Variants in TREML4 observed in about 807,000 individuals in gnomAD.
The protein encoded by TREML4 is trem-like transcript 4 protein.
A neutral mutation model predicts 25.4 loss-of-function variants in TREML4; 25 were observed. That is an observed-to-expected ratio of 0.98 (90% CI 0.72 to 1.37). The LOEUF (loss-of-function observed/expected upper bound fraction) is 1.37, where lower values mean the gene tolerates loss of function less well. TREML4 is among the 40% of genes most tolerant of loss of function. The pLI, the probability that TREML4 is intolerant of heterozygous loss-of-function variation, is 0.00. For synonymous variants in TREML4, 92 were observed against 87.9 expected (o/e 1.05, Z -0.26); for missense variants, 268 against 236.5 (o/e 1.13, Z -0.87).
chr6:41,228,529 G>A, intron 1 of TREML4, 39 bp downstream of exon 1: 1 of 1,597,350 alleles, frequency 6.3e-7, no homozygotes, highest in Non-Finnish European at 8.5e-7. Context: ...TGTAAGGAGT[G>A]GGATGAAGAA....
chr6:41,232,874 T>C (rs2627568), intron 4 of TREML4, among the ~76,000 whole-genome samples: 142,152 of 152,104 alleles, frequency 0.93, 66,472 homozygotes, highest in African/African-American at 0.98. Context: ...TAAGAAGCCT[T>C]ACTTGCTCAC....
intron 4 of TREML4, 111 bp from the exon 5 acceptor site, chr6:41,236,375 G>A (rs1163524719): frequency 1.2e-6 from 1 of 825,754 alleles, no homozygotes; most frequent in Non-Finnish European, 2.0e-6. Flanking sequence ...TTCAGGGTGG[G>A]CCCTTACGCA....
intron 4 of TREML4, among the ~76,000 whole-genome samples, chr6:41,231,761 A>C: frequency 6.6e-6 from 1 of 152,250 alleles, no homozygotes; most frequent in Non-Finnish European, 1.5e-5. Context: ...TAAAAATCAA[A>C]GAGAAGTTAG....
chr6:41,234,120 G>A (rs1027952598), intron 4 of TREML4, among the ~76,000 whole-genome samples: 3 of 151,872 alleles, frequency 2.0e-5, no homozygotes, highest in African/African-American at 7.2e-5. Context: ...AAATTCTAAA[G>A]AATCAGTACG....
At position 41,235,368 on chromosome 6, in the gene TREML4, A is replaced by AT. The variant is rs1427320559; in HGVS notation, c.507-1116dup. Among the ~76,000 whole-genome samples the AT allele has an allele frequency of 1.7e-4, 26 of 152,324 alleles. 1 individual carries two copies. Among genetic ancestry groups the AT allele is most frequent in the African/African-American group, 5.5e-4 (23 of 41,584 alleles). On this transcript the variant is annotated intron_variant, in intron 4 of 5. Transcript: ENST00000341495. ...AGGAAAACAGGTTACATGAAAGAAGATTAGACAAGAAGAGGAAAAACTGTC... is the reference window on the plus strand; with the variant it reads ...AGGAAAACAGGTTACATGAAAGAAGATTTAGACAAGAAGAGGAAAAACTGTC...
In TREML4 at chr6:41,238,457, T is replaced by C. The variant is rs895192235; in HGVS notation, c.*1438T>C. 4 of 152,244 alleles carry C rather than the reference T, an allele frequency of 2.6e-5. No individual in the cohort carries two copies. The highest frequency in any genetic ancestry group is 9.6e-5 in the African/African-American group (4 of 41,460). The allele number at this position is 152,244 out of a possible 1,614,324, so 9.4% of individuals were successfully genotyped here. A position where few individuals can be genotyped will look rare whatever the true frequency, so the allele number is the denominator to read the frequency against. ...CACTTCTTTTCAGTGCTTATTCCAT[T>C]GCGTACATATCCCACAGTGCATCAT... On this transcript the variant is annotated 3_prime_UTR_variant, in exon 6 of 6. Coordinates refer to ENST00000341495, the MANE Select transcript of TREML4 (RefSeq NM_198153.3).
rs967492962 is a variant in TREML4 at position 41,238,692 on chromosome 6, A to G, written c.*1673A>G. 1.3e-5 allele frequency: 2 copies of G among 152,146 alleles called. No homozygotes were observed. The highest frequency in any genetic ancestry group is 2.9e-5 in the Non-Finnish European group (2 of 68,028). 9.4% of individuals were successfully genotyped at this position (152,146 alleles called of 1,614,324 possible). A position where few individuals can be genotyped will look rare whatever the true frequency, so the allele number is the denominator to read the frequency against. ...TGCCTGAACCAAGAATCTAGACACT[A>G]GCGATTATGTGTTTTCTCTGAGTCT... On this transcript the variant is annotated 3_prime_UTR_variant, in exon 6 of 6. Transcript: ENST00000341495.
At position 41,237,802 on chromosome 6, in the gene TREML4, C is replaced by A. The variant is rs1582120402; in HGVS notation, c.*783C>A. On this transcript the variant is annotated 3_prime_UTR_variant, in exon 6 of 6. Transcript: ENST00000341495. ...CAGAACATTCATCCGTAAATGGAAT[C>A]TGATAATCTGGGGCCCAAATTCTGT... The A allele has an allele frequency of 6.6e-6, 1 of 152,196 alleles. No individual in the cohort carries two copies. The highest frequency in any genetic ancestry group is 1.9e-4 in the East Asian group (1 of 5,202). The allele number at this position is 152,196 out of a possible 1,614,324, so 9.4% of individuals were successfully genotyped here.
At chr6:41,230,908 T>G (rs1561901769) in intron 4 of TREML4, among the ~76,000 whole-genome samples, 1 of 152,202 alleles carries the variant, frequency 6.6e-6, no homozygotes, top group Non-Finnish European at 1.5e-5. Context: ...CCTCTTTCCA[T>G]AGCTTGCATT....
intron 3 of TREML4, among the ~76,000 whole-genome samples, chr6:41,229,841 C>G (rs111406757): frequency 0.043 from 6,488 of 152,200 alleles, 272 homozygotes; most frequent in African/African-American, 0.11. Context: ...ACACGTGTGT[C>G]CCAGCCCTCC....
At chr6:41,236,948 G>A (rs1561903997) in intron 5 of TREML4, 107 bp from the exon 6 acceptor site, 1 of 177,364 alleles carries the variant, frequency 5.6e-6, no homozygotes, top group Non-Finnish European at 1.2e-5. Context: ...GGGAGAAGGC[G>A]GGGGAGGGGC....
chr6:41,234,937 T>A (rs1421776860), intron 4 of TREML4, among the ~76,000 whole-genome samples: 2 of 151,820 alleles, frequency 1.3e-5, no homozygotes, highest in African/African-American at 4.8e-5. Flanking sequence ...AAATTATAGG[T>A]TCATTTCTCT....
intron 2 of TREML4, 128 bp from the exon 3 acceptor site, chr6:41,229,393 C>G: frequency 1.0e-6 from 1 of 983,856 alleles, no homozygotes; most frequent in Non-Finnish European, 1.6e-6. Context: ...ATCTTAGGCA[C>G]AGACCACTCC....
intron 5 of TREML4, 27 bp from the exon 6 acceptor site, chr6:41,237,028 G>A (rs1390950663): frequency 6.3e-6 from 1 of 159,690 alleles, no homozygotes; most frequent in African/African-American, 2.4e-5. Context: ...TTCCATTCAT[G>A]ACTTTCCCCC....
chr6:41,231,155 AT>A, intron 4 of TREML4: 1 of 412,882 alleles, frequency 2.4e-6, no homozygotes, highest in Non-Finnish European at 4.9e-6. Flanking sequence ...TAATTATTTC[AT>A]TATATATTAC....
In TREML4 at chr6:41,228,836, G is replaced by A; in HGVS notation, c.186G>A (p.Arg62=). The part of the protein sequence containing the change: ...KSWCQQTSPS[R]CTLLVTSSKP... Reference sequence around the variant, plus strand: ...GGTGTCAGCAGACATCTCCAAGTCGGTGTACCTTACTTGTCACCAGCTCCA... The same window carrying A: ...GGTGTCAGCAGACATCTCCAAGTCGATGTACCTTACTTGTCACCAGCTCCA... The change falls in exon 2 of 6, where the codon CGG becomes CGA. Residue 62 remains arginine (R), a synonymous_variant. Coordinates refer to ENST00000341495, the MANE Select transcript of TREML4 (RefSeq NM_198153.3). The A allele has an allele frequency of 6.2e-7, 1 of 1,614,142 alleles. No individual in the cohort carries two copies. Among genetic ancestry groups the A allele is most frequent in the Non-Finnish European group, 8.5e-7 (1 of 1,180,014 alleles).
intron 4 of TREML4, among the ~76,000 whole-genome samples, chr6:41,231,872 G>A (rs1190908223): frequency 3.9e-5 from 6 of 152,032 alleles, no homozygotes; most frequent in African/African-American, 1.4e-4. Flanking sequence ...AAAGAATCCA[G>A]GAAATTTTTT....
chr6:41,236,494 G>A lies in TREML4; in HGVS notation c.515G>A (p.Arg172Lys). The A allele has an allele frequency of 6.2e-7, 1 of 1,614,048 alleles. No individual in the cohort carries two copies. The highest frequency in any genetic ancestry group is 8.5e-7 in the Non-Finnish European group (1 of 1,179,966). Reference protein sequence around the residue: ...SINGSETRKSRAPACLGSGGP... With the variant: ...SINGSETRKSKAPACLGSGGP... ...CTCCTTCTTCCCTGCAGGAAATCAAGAGCCCCTGCCTGCCTTGGCTCAGGT... is the reference window on the plus strand; with the variant it reads ...CTCCTTCTTCCCTGCAGGAAATCAAAAGCCCCTGCCTGCCTTGGCTCAGGT... Residue 172 changes from arginine to lysine, a missense_variant, in exon 5 of 6, where the codon AGA (arginine) becomes AAA (lysine). By Grantham distance (26) the Arg-to-Lys change is conservative (BLOSUM62 2). Transcript: ENST00000341495.
intron 4 of TREML4, 67 bp from the exon 5 acceptor site, chr6:41,236,419 A>G: frequency 7.1e-7 from 1 of 1,404,776 alleles, no homozygotes; most frequent in South Asian, 1.2e-5. Flanking sequence ...TGCCTGGCTT[A>G]GGGACACCGC....
Sources: gnomAD v4.1 joint callset for allele counts (sites outside exome capture counted in the v4.1 genomes callset) on GRCh38, gnomAD v4.1.1 for gene constraint, MANE v1.5 for transcripts, NCBI Gene and HGNC (gene_info 2026-07-23, HGNC 2026-07-21) for gene names.